The following MMP11 variants were observed in gnomAD, a reference collection of about 807,000 sequenced individuals.
The protein encoded by MMP11 is matrix metallopeptidase 11.
A neutral mutation model predicts 49.5 loss-of-function variants in MMP11; 26 were observed. The observed-to-expected ratio is 0.52, with a 90% CI of 0.38 to 0.73. MMP11 has a LOEUF of 0.73. Among genes scored for constraint, MMP11 ranks in the 30% least tolerant of loss-of-function variants. The pLI is 0.00. For missense variants in MMP11, 624 were observed against 671.2 expected (o/e 0.93, Z 0.78); for synonymous variants, 265 against 282.3 (o/e 0.94, Z 0.62).
rs759006839 is a variant in MMP11 at position 23,780,842 on chromosome 22, C to T, written c.617-17C>T. 9 of 1,607,366 alleles carry T rather than the reference C, an allele frequency of 5.6e-6. No individual in the cohort carries two copies. In the South Asian group the frequency reaches 6.7e-5, roughly 12 times the overall value. Reference sequence around the variant, plus strand: ...GGCAGGAGGTTCGGGGGTTGCTGAGCCACCTCCCTTTTTCAGGCACAGACC... The same window carrying T: ...GGCAGGAGGTTCGGGGGTTGCTGAGTCACCTCCCTTTTTCAGGCACAGACC... On this transcript the variant is annotated splice_polypyrimidine_tract_variant and intron_variant, in intron 4 of 7. Coordinates refer to ENST00000215743, the MANE Select transcript of MMP11 (RefSeq NM_005940.5). This position sits in a 1 kb window ranked among gnomAD's most constrained non-coding sequence, Gnocchi z 4.6.
At chr22:23,776,546 C>G (rs1927416426) in intron 1 of MMP11, among the ~76,000 whole-genome samples, 1 of 152,184 alleles carries the variant, frequency 6.6e-6, no homozygotes, top group Non-Finnish European at 1.5e-5. Flanking sequence ...GTGAGGCCAG[C>G]CTGGGTCCCT....
chr22:23,779,952 G>T, intron 2 of MMP11: 2 of 265,168 alleles, frequency 7.5e-6, no homozygotes, highest in South Asian at 6.1e-5. Context: ...CATCCTGCGG[G>T]TGGGGACCCA....
rs768943303 is a variant in MMP11 at position 23,779,301 on chromosome 22, C to T, written c.223C>T (p.Leu75Phe). ...TQEAPRPASS[L>F]RPPRCGVPDP... is the part of the protein sequence containing the mutation. ...GGAAGCCCCCCGGCCTGCCAGCAGCCTCAGGCCTCCCCGCTGTGGCGTGCC... is the reference window on the plus strand; with the variant it reads ...GGAAGCCCCCCGGCCTGCCAGCAGCTTCAGGCCTCCCCGCTGTGGCGTGCC... The change falls in exon 2 of 8, where the codon CTC (leucine) becomes TTC (phenylalanine). Residue 75 changes from leucine to phenylalanine, a missense_variant. By Grantham distance (22) the Leu-to-Phe change is conservative (BLOSUM62 0). Transcript: ENST00000215743. 6.2e-7 allele frequency: 1 copy of T among 1,611,892 alleles called. No individual in the cohort carries two copies. The highest frequency in any genetic ancestry group is 8.5e-7 in the Non-Finnish European group (1 of 1,179,516).
At chr22:23,777,426 G>C (rs538042875) in intron 1 of MMP11, among the ~76,000 whole-genome samples, 1 of 152,136 alleles carries the variant, frequency 6.6e-6, no homozygotes, top group Non-Finnish European at 1.5e-5. Flanking sequence ...AATTAGCCGG[G>C]CATGGCAGCA....
In MMP11 at chr22:23,783,610, A is replaced by G. The variant is rs532535046; in HGVS notation, c.*66A>G. ...GCCACGAATATCAGGCTAGAGACCC[A>G]TGGCCATCTTTGTGGCTGTGGGCAC... On this transcript the variant is annotated 3_prime_UTR_variant, in exon 8 of 8. Coordinates refer to ENST00000215743, the MANE Select transcript of MMP11 (RefSeq NM_005940.5). The G allele has an allele frequency of 1.6e-5, 25 of 1,594,504 alleles. No individual in the cohort carries two copies. The East Asian group carries it at 4.5e-4, about 29-fold the overall frequency.
At chr22:23,776,869 A>G (rs1372652669) in intron 1 of MMP11, among the ~76,000 whole-genome samples, 1 of 147,864 alleles carries the variant, frequency 6.8e-6, no homozygotes, top group East Asian at 2.0e-4. Context: ...GTGCTGTGGC[A>G]CGATCTCGGC....
In MMP11 at chr22:23,781,111, GC is replaced by G; in HGVS notation, c.858+13del. ...ATTGCACCGCTGGAGGTGAGGCCCT[GC>G]CTGCCAGTCCCCCTACTCCTCTGCT... On this transcript the variant is annotated intron_variant, in intron 5 of 7. Coordinates refer to ENST00000215743, the MANE Select transcript of MMP11 (RefSeq NM_005940.5). 6.2e-7 allele frequency: 1 copy of G among 1,606,604 alleles called. No homozygotes were observed. Among genetic ancestry groups the G allele is most frequent in the Non-Finnish European group, 8.5e-7 (1 of 1,179,086 alleles).
At chr22:23,777,570 A>AG (rs1927455924) in intron 1 of MMP11, 1 of 134,072 alleles carries the variant, frequency 7.5e-6, no homozygotes, top group African/African-American at 3.7e-5. Context: ...CTCTCTCAAA[A>AG]AAAAAAAAAA....
Position 23,780,440 on chromosome 22 carries a change from G to T in MMP11, c.420G>T (p.Val140=). Residue 140 remains valine, a synonymous_variant, in exon 3 of 8, where the codon GTG becomes GTT. Coordinates refer to ENST00000215743, the MANE Select transcript of MMP11 (RefSeq NM_005940.5). The surrounding 1 kb of genome is among the most constrained non-coding windows in gnomAD (Gnocchi z 4.6). ...MAEALKVWSD[V]TPLTFTEVHE... ...AGGCCCTAAAGGTATGGAGCGATGT[G>T]ACGCCACTCACCTTTACTGAGGTGC... 6.2e-7 allele frequency: 1 copy of T among 1,614,092 alleles called. No individual in the cohort carries two copies. The highest frequency in any genetic ancestry group is 8.5e-7 in the Non-Finnish European group (1 of 1,180,042).
rs529468719 is a variant in MMP11 at position 23,781,056 on chromosome 22, G to T, written c.814G>T (p.Gly272Cys). The change falls in exon 5 of 8, where the codon GGC (glycine) becomes TGC (cysteine). Residue 272 changes from glycine (G) to cysteine (C), a missense_variant. Physicochemically the swap from Gly to Cys is radical, Grantham distance 159 (BLOSUM62 -3). Transcript: ENST00000215743. ...PTVTSRTPAL[G>C]PQAGIDTNEI... is the part of the protein sequence containing the mutation. ...TGTCACCTCCAGGACCCCAGCCCTGGGCCCCCAGGCTGGGATAGACACCAA... is the reference window on the plus strand; with the variant it reads ...TGTCACCTCCAGGACCCCAGCCCTGTGCCCCCAGGCTGGGATAGACACCAA... 3.7e-6 allele frequency: 6 copies of T among 1,610,660 alleles called. No homozygotes were observed. The East Asian group carries it at 1.3e-4, about 36-fold the overall frequency.
chr22:23,772,893 G>T lies in MMP11; in HGVS notation c.23G>T (p.Arg8Leu). 2 of 1,167,674 alleles carry T rather than the reference G, an allele frequency of 1.7e-6. No homozygotes were observed. Among genetic ancestry groups the T allele is most frequent in the Non-Finnish European group, 2.1e-6 (2 of 947,590 alleles). The allele number at this position is 1,167,674 out of a possible 1,614,324, so 72.3% of individuals were successfully genotyped here. MAPAAWL[R>L]SAAARALLPP... ...CGGATGGCTCCGGCCGCCTGGCTCC[G>T]CAGCGCGGCCGCGCGCGCCCTCCTG... Residue 8 changes from arginine (R) to leucine (L), a missense_variant, in exon 1 of 8, where the codon CGC becomes CTC. Coordinates refer to ENST00000215743, the MANE Select transcript of MMP11 (RefSeq NM_005940.5).
chr22:23,778,490 G>A (rs1278512523), intron 1 of MMP11, among the ~76,000 whole-genome samples: 1 of 152,172 alleles, frequency 6.6e-6, no homozygotes, highest in Non-Finnish European at 1.5e-5. Context: ...GCCCTGGTGG[G>A]GTGTGACCAA....
chr22:23,779,646 C>T, intron 2 of MMP11: 2 of 573,630 alleles, frequency 3.5e-6, no homozygotes, highest in East Asian at 2.8e-5. Context: ...GAGCCTCCGT[C>T]ATCATGCAAA....
chr22:23,780,540 C>T lies in MMP11; in HGVS notation c.482+38C>T, dbSNP rs781273444. On this transcript the variant is annotated intron_variant, in intron 3 of 7. Transcript: ENST00000215743. This position sits in a 1 kb window ranked among gnomAD's most constrained non-coding sequence, Gnocchi z 4.6. ...CCTGGGACCCCTCCGGGAACAGCCT[C>T]GCCTGCCAGCAGCCACTGACCCCGC... 7 of 1,612,184 alleles carry T rather than the reference C, an allele frequency of 4.3e-6. No individual in the cohort carries two copies. The highest frequency in any genetic ancestry group is 2.2e-5 in the South Asian group (2 of 91,048).
intron 1 of MMP11, 138 bp downstream of exon 1, chr22:23,773,116 C>T: frequency 1.0e-6 from 1 of 992,684 alleles, no homozygotes; most frequent in Non-Finnish European, 1.2e-6. Flanking sequence ...TTTCTGGTTC[C>T]CTCTAGGCGT....
rs895026938 is a variant in MMP11, at chr22:23,780,144, T to C, written c.339-215T>C. On this transcript the variant is annotated intron_variant, in intron 2 of 7. Transcript: ENST00000215743. This position sits in a 1 kb window ranked among gnomAD's most constrained non-coding sequence, Gnocchi z 4.6. ...CCTGGTCCTGGTTCTTTCCACTGAA[T>C]TCAGACACTTGTATTTGCCTAAGTA... is the stretch of plus-strand genomic sequence containing the variant. 1.1e-5 allele frequency: 7 copies of C among 610,752 alleles called. No homozygotes were observed. In the Admixed American group the frequency reaches 1.8e-4, roughly 15 times the overall value. 37.8% of individuals were successfully genotyped at this position (610,752 alleles called of 1,614,324 possible).
intron 7 of MMP11, 163 bp downstream of exon 7, chr22:23,782,646 A>G (rs145685781): frequency 1.4e-5 from 12 of 860,464 alleles, no homozygotes; most frequent in Non-Finnish European, 2.1e-5. Flanking sequence ...GGCTAGTGCT[A>G]CATTCCATAT....
chr22:23,781,107 C>G lies in MMP11; in HGVS notation c.858+7C>G, dbSNP rs753382548. The G allele has an allele frequency of 5.0e-6, 8 of 1,606,516 alleles. No homozygotes were observed. Among genetic ancestry groups the G allele is most frequent in the Non-Finnish European group, 5.1e-6 (6 of 1,179,098 alleles). On this transcript the variant is annotated splice_region_variant and intron_variant, in intron 5 of 7. Transcript: ENST00000215743. ...TGAGATTGCACCGCTGGAGGTGAGG[C>G]CCTGCCTGCCAGTCCCCCTACTCCT...
At chr22:23,773,069 G>C (rs1262943068) in intron 1 of MMP11, 91 bp downstream of exon 1, 4 of 1,076,138 alleles carry the variant, frequency 3.7e-6, no homozygotes, top group Non-Finnish European at 3.4e-6. Flanking sequence ...CGAAGGGGGC[G>C]CCCCGGGTGG....
Sources: allele counts gnomAD v4.1 joint callset (sites outside exome capture counted in the v4.1 genomes callset), GRCh38; gene constraint gnomAD v4.1.1; non-coding constraint Gnocchi (gnomAD v3.1); transcripts MANE v1.5; gene names NCBI Gene and HGNC (gene_info 2026-07-23, HGNC 2026-07-21).